PTPRR: variants seen among roughly 807,000 people sequenced by gnomAD.
PTPRR encodes receptor-type tyrosine-protein phosphatase R.
Under a neutral mutation model 77.2 loss-of-function variants are expected in PTPRR, and 38 were observed. That is an observed-to-expected ratio of 0.49 (90% CI 0.38 to 0.65). The LOEUF (loss-of-function observed/expected upper bound fraction) is 0.65. Among genes scored for constraint, PTPRR ranks in the 30% least tolerant of loss-of-function variants. The probability of loss-of-function intolerance (pLI) is 0.00; values close to 1 mark genes in which losing one functional copy is unlikely to be tolerated. For synonymous variants in PTPRR, 299 were observed against 283.1 expected (o/e 1.06, Z -0.57); for missense variants, 744 against 799.2 (o/e 0.93, Z 0.83).
In PTPRR at chr12:70,639,126, G is replaced by C. The variant is rs1183586492; in HGVS notation, c.*58C>G. Reference sequence around the variant, plus strand: ...CAGGAAGCTCCTTCTAGAAGCCTTGGGTGGGTAATTTGATTAATCACCCCA... The same window carrying C: ...CAGGAAGCTCCTTCTAGAAGCCTTGCGTGGGTAATTTGATTAATCACCCCA... On this transcript the variant is annotated 3_prime_UTR_variant, in exon 14 of 14. Coordinates refer to ENST00000283228, the MANE Select transcript of PTPRR (RefSeq NM_002849.4). The C allele has an allele frequency of 1.1e-5, 16 of 1,451,436 alleles. No homozygotes were observed. The East Asian group carries it at 3.2e-4, about 29-fold the overall frequency. 89.9% of individuals were successfully genotyped at this position (1,451,436 alleles called of 1,614,324 possible). A position where few individuals can be genotyped will look rare whatever the true frequency, so the allele number is the denominator to read the frequency against.
intron 6 of PTPRR, among the ~76,000 whole-genome samples, chr12:70,728,214 T>C (rs1317226552): frequency 7.6e-6 from 1 of 131,780 alleles, no homozygotes; most frequent in African/African-American, 3.0e-5. Flanking sequence ...TTTTTTTTTT[T>C]CAGATTTTGG....
chr12:70,654,485 T>C (rs543440970), intron 13 of PTPRR, among the ~76,000 whole-genome samples: 1 of 152,198 alleles, frequency 6.6e-6, no homozygotes, highest in South Asian at 2.1e-4. Context: ...CAGTGGGCCA[T>C]GATCACGCCA....
chr12:70,726,186 C>G (rs1889429458), intron 6 of PTPRR, among the ~76,000 whole-genome samples: 1 of 151,338 alleles, frequency 6.6e-6, no homozygotes, highest in African/African-American at 2.4e-5. Context: ...TTTTAGTCAA[C>G]TTAATTCAAG....
intron 2 of PTPRR, among the ~76,000 whole-genome samples, chr12:70,771,742 G>A (rs1177954929): frequency 6.6e-6 from 1 of 152,096 alleles, no homozygotes; most frequent in African/African-American, 2.4e-5. Context: ...TCTTCAATTT[G>A]TGTTCATACA....
At chr12:70,861,072 A>C (rs991696206) in intron 2 of PTPRR, among the ~76,000 whole-genome samples, 6 of 152,180 alleles carry the variant, frequency 3.9e-5, no homozygotes, top group African/African-American at 1.4e-4. Flanking sequence ...TGTAGTGCTT[A>C]GAACGTAAAA....
chr12:70,684,312 T>G (rs757365635), intron 9 of PTPRR, 48 bp from the exon 10 acceptor site: 5 of 1,582,692 alleles, frequency 3.2e-6, no homozygotes, highest in Non-Finnish European at 4.3e-6. Context: ...GTTCATGCCT[T>G]GCAGTGAAAG....
At chr12:70,912,987 A>C (rs1893721950) in intron 1 of PTPRR, among the ~76,000 whole-genome samples, 1 of 152,114 alleles carries the variant, frequency 6.6e-6, no homozygotes, top group African/African-American at 2.4e-5. Context: ...CCCCTTTTAA[A>C]GGAAAAAATG....
chr12:70,802,849 C>A (rs991965968), intron 2 of PTPRR, among the ~76,000 whole-genome samples: 2 of 152,128 alleles, frequency 1.3e-5, no homozygotes, highest in Non-Finnish European at 2.9e-5. Context: ...AAAATTTCTT[C>A]CAATTTTGTG....
chr12:70,736,676 T>C (rs1271981518), intron 6 of PTPRR, among the ~76,000 whole-genome samples: 1 of 152,198 alleles, frequency 6.6e-6, no homozygotes, highest in African/African-American at 2.4e-5. Context: ...GAGTTGTTAT[T>C]TTTATTGATG....
intron 2 of PTPRR, chr12:70,789,090 A>ATT: frequency 7.1e-6 from 3 of 423,866 alleles, no homozygotes; most frequent in Non-Finnish European, 1.2e-5. Flanking sequence ...ATTCATGGGG[A>ATT]TTTTTTTTTT....
chr12:70,679,231 G>A (rs1887564993), intron 10 of PTPRR, among the ~76,000 whole-genome samples: 1 of 152,062 alleles, frequency 6.6e-6, no homozygotes, highest in Non-Finnish European at 1.5e-5. Flanking sequence ...TATTTGTAAA[G>A]TTTCTGAATT....
At chr12:70,872,684 G>T in intron 2 of PTPRR, among the ~76,000 whole-genome samples, 1 of 68,564 alleles carries the variant, frequency 1.5e-5, no homozygotes. Flanking sequence ...GACAGAGTGA[G>T]ACTCTGTCTC....
intron 2 of PTPRR, among the ~76,000 whole-genome samples, chr12:70,784,568 T>C (rs1038044169): frequency 2.6e-5 from 4 of 152,216 alleles, no homozygotes; most frequent in African/African-American, 9.6e-5. Context: ...TTGGGGGTTC[T>C]GTCTGCCTCC....
rs74101522 is a variant in PTPRR, at chr12:70,656,850, G to C, written c.1767-33C>G. The stretch of plus-strand genomic sequence containing the variant: ...GAAAAGAAAAGAAATTTAAAAAGTG[G>C]GGGAAAATGACAAAGATAAGAAACA... On this transcript the variant is annotated intron_variant, in intron 12 of 13. Transcript: ENST00000283228. 3.0e-3 allele frequency: 4,233 copies of C among 1,405,994 alleles called. 98 individuals carry two copies. In the African/African-American group the frequency reaches 0.052, roughly 17 times the overall value. 87.1% of individuals were successfully genotyped at this position (1,405,994 alleles called of 1,614,324 possible). A position where few individuals can be genotyped will look rare whatever the true frequency, so the allele number is the denominator to read the frequency against.
At chr12:70,915,292 T>C (rs901256570) in intron 1 of PTPRR, among the ~76,000 whole-genome samples, 2 of 152,154 alleles carry the variant, frequency 1.3e-5, no homozygotes, top group Non-Finnish European at 2.9e-5. Flanking sequence ...CGGAAGCTGA[T>C]AGAGAAGTAG....
chr12:70,870,220 G>A (rs1226045014), intron 2 of PTPRR, among the ~76,000 whole-genome samples: 1 of 152,158 alleles, frequency 6.6e-6, no homozygotes, highest in Non-Finnish European at 1.5e-5. Context: ...GAAAGGGGAT[G>A]CAGAGCAACA....
chr12:70,781,960 C>A (rs1158572553), intron 2 of PTPRR, among the ~76,000 whole-genome samples: 1 of 152,072 alleles, frequency 6.6e-6, no homozygotes, highest in Non-Finnish European at 1.5e-5. Context: ...AGTTGCAATA[C>A]CAACTTCATG....
intron 10 of PTPRR, among the ~76,000 whole-genome samples, chr12:70,674,796 T>C (rs1887382742): frequency 6.6e-6 from 1 of 152,154 alleles, no homozygotes. Flanking sequence ...TTTTATTTTT[T>C]GTCTGCTTAA....
intron 6 of PTPRR, among the ~76,000 whole-genome samples, chr12:70,720,388 A>G (rs962477646): frequency 1.3e-5 from 2 of 152,146 alleles, no homozygotes; most frequent in Non-Finnish European, 1.5e-5. Context: ...TCTGTGATGC[A>G]TCTTGTACAG....
Sources: gnomAD v4.1 joint callset for allele counts (sites outside exome capture counted in the v4.1 genomes callset) on GRCh38, gnomAD v4.1.1 for gene constraint, MANE v1.5 for transcripts, NCBI Gene and HGNC (gene_info 2026-07-23, HGNC 2026-07-21) for gene names.